B3GALT1: variants seen among roughly 807,000 people sequenced by gnomAD.
B3GALT1 encodes the protein beta-1,3-galactosyltransferase 1.
Under a neutral mutation model 23.2 loss-of-function variants are expected in B3GALT1, and 10 were observed. The observed-to-expected ratio is 0.43, with a 90% CI of 0.27 to 0.73. B3GALT1 has a LOEUF of 0.73. Ranked by LOEUF, B3GALT1 falls within the 30% of genes least tolerant of loss-of-function variation. The probability of loss-of-function intolerance (pLI) is 0.21; values close to 1 mark genes in which losing one functional copy is unlikely to be tolerated. For missense variants in B3GALT1, 299 were observed against 405.4 expected, an observed-to-expected ratio of 0.74 and a Z score of 2.25; for synonymous variants, 156 against 141.5, an observed-to-expected ratio of 1.10 and a Z score of -0.73.
rs529954890 is a variant in B3GALT1 at position 167,676,480 on chromosome 2, T to TACAC, written c.-352+29526_-352+29529dup. Among the ~76,000 whole-genome samples the TACAC allele has an allele frequency of 8.2e-3, 1,222 of 149,432 alleles. 15 individuals are homozygous for TACAC. Among genetic ancestry groups the TACAC allele is most frequent in the African/African-American group, 0.029 (1,164 of 40,546 alleles). ...CTTCCCATCTAACCTTATATATATA[T>TACAC]ACACACACACACACATGCACACACG... On this transcript the variant is annotated intron_variant, in intron 3 of 4. Transcript: ENST00000392690.
At chr2:167,668,565 A>C (rs1281307019) in intron 3 of B3GALT1, among the ~76,000 whole-genome samples, 1 of 152,044 alleles carries the variant, frequency 6.6e-6, no homozygotes, top group Non-Finnish European at 1.5e-5. Flanking sequence ...GCCGCCTTGC[A>C]GTTTGATCTC....
intron 1 of B3GALT1, among the ~76,000 whole-genome samples, chr2:167,448,143 G>C (rs1043092815): frequency 6.6e-6 from 1 of 152,126 alleles, no homozygotes; most frequent in African/African-American, 2.4e-5. Flanking sequence ...ATAACTCATA[G>C]TGGGACTGCT....
At chr2:167,673,299 G>C (rs1315704908) in intron 3 of B3GALT1, among the ~76,000 whole-genome samples, 1 of 152,072 alleles carries the variant, frequency 6.6e-6, no homozygotes, top group Non-Finnish European at 1.5e-5. Flanking sequence ...CCAAAGCACT[G>C]TACTTGTTAA....
intron 3 of B3GALT1, among the ~76,000 whole-genome samples, chr2:167,697,574 T>A (rs1279210954): frequency 6.6e-6 from 1 of 152,230 alleles, no homozygotes; most frequent in Non-Finnish European, 1.5e-5. Flanking sequence ...TGTGCCTGTC[T>A]CAGTAACAAA....
intron 2 of B3GALT1, among the ~76,000 whole-genome samples, chr2:167,633,228 A>G (rs909793131): frequency 2.6e-5 from 4 of 151,968 alleles, no homozygotes; most frequent in Non-Finnish European, 4.4e-5. Context: ...CTCAAGACAC[A>G]TAATTGTCAG....
intron 1 of B3GALT1, among the ~76,000 whole-genome samples, chr2:167,361,541 G>C (rs1299869939): frequency 6.6e-6 from 1 of 152,144 alleles, no homozygotes; most frequent in African/African-American, 2.4e-5. Flanking sequence ...ACTGGCAATT[G>C]CATTGCTTCC....
At chr2:167,489,040 T>C (rs1310434863) in intron 1 of B3GALT1, among the ~76,000 whole-genome samples, 1 of 152,108 alleles carries the variant, frequency 6.6e-6, no homozygotes, top group African/African-American at 2.4e-5. Context: ...AATCTACAAC[T>C]ATGTGCTTTT....
chr2:167,846,956 T>G (rs924276062), intron 4 of B3GALT1, among the ~76,000 whole-genome samples: 3 of 152,198 alleles, frequency 2.0e-5, no homozygotes, highest in African/African-American at 7.2e-5. Flanking sequence ...GGACTAGCTA[T>G]TCTTATATCA....
At chr2:167,808,257 A>G (rs1037120308) in intron 3 of B3GALT1, among the ~76,000 whole-genome samples, 5 of 150,774 alleles carry the variant, frequency 3.3e-5, no homozygotes, top group African/African-American at 1.2e-4. Context: ...TCTTTATCCA[A>G]TTTGCCAGTC....
At chr2:167,467,970 T>C (rs1176951948) in intron 1 of B3GALT1, among the ~76,000 whole-genome samples, 1 of 152,160 alleles carries the variant, frequency 6.6e-6, no homozygotes, top group East Asian at 1.9e-4. Context: ...AATATACATA[T>C]ATAATATGTT....
At chr2:167,599,904 A>C (rs1397016117) in intron 2 of B3GALT1, among the ~76,000 whole-genome samples, 1 of 152,210 alleles carries the variant, frequency 6.6e-6, no homozygotes, top group Non-Finnish European at 1.5e-5. Context: ...GATTAATCAT[A>C]GATATGGAAA....
chr2:167,660,153 T>A (rs1022070576), intron 3 of B3GALT1, among the ~76,000 whole-genome samples: 1 of 152,126 alleles, frequency 6.6e-6, no homozygotes, highest in Non-Finnish European at 1.5e-5. Flanking sequence ...GCAGCATGTT[T>A]AGGAAGTGGA....
At chr2:167,654,222 A>G (rs981562702) in intron 3 of B3GALT1, among the ~76,000 whole-genome samples, 1 of 152,234 alleles carries the variant, frequency 6.6e-6, no homozygotes. Flanking sequence ...GCTAATACTC[A>G]TAACACACTT....
At chr2:167,532,193 A>G (rs1683336867) in intron 2 of B3GALT1, among the ~76,000 whole-genome samples, 2 of 151,988 alleles carry the variant, frequency 1.3e-5, no homozygotes, top group African/African-American at 4.8e-5. Context: ...GTCTATTGGG[A>G]TGCTAGCATA....
intron 3 of B3GALT1, among the ~76,000 whole-genome samples, chr2:167,768,738 C>T (rs563208668): frequency 6.6e-6 from 1 of 152,286 alleles, no homozygotes; most frequent in East Asian, 1.9e-4. Flanking sequence ...AAAACTCACG[C>T]AGACACCTGA....
At chr2:167,443,158 C>G (rs1198589831) in intron 1 of B3GALT1, among the ~76,000 whole-genome samples, 2 of 151,730 alleles carry the variant, frequency 1.3e-5, no homozygotes, top group African/African-American at 4.8e-5. Flanking sequence ...TTGTTTTTCT[C>G]AGGTTTGTCA....
chr2:167,808,341 C>T (rs1688806147), intron 3 of B3GALT1, among the ~76,000 whole-genome samples: 1 of 151,596 alleles, frequency 6.6e-6, no homozygotes, highest in East Asian at 1.9e-4. Flanking sequence ...TTGATCCTGT[C>T]ATTATGATGT....
At chr2:167,717,955 A>T (rs1468302735) in intron 3 of B3GALT1, among the ~76,000 whole-genome samples, 1 of 152,174 alleles carries the variant, frequency 6.6e-6, no homozygotes, top group African/African-American at 2.4e-5. Flanking sequence ...AAATCATTTT[A>T]ACATGTTAAG....
intron 3 of B3GALT1, chr2:167,713,751 G>C (rs58834919): frequency 6.3e-7 from 1 of 1,583,660 alleles, no homozygotes; most frequent in Admixed American, 1.7e-5. Flanking sequence ...CAGAATGTGG[G>C]GTTGGGGTAA....
Sources: allele counts gnomAD v4.1 joint callset (sites outside exome capture counted in the v4.1 genomes callset), GRCh38; gene constraint gnomAD v4.1.1; transcripts MANE v1.5; gene names NCBI Gene and HGNC (gene_info 2026-07-23, HGNC 2026-07-21).